PDE4D: variants seen among roughly 807,000 people sequenced by gnomAD.
PDE4D encodes the protein 3',5'-cyclic-AMP phosphodiesterase 4D.
A neutral mutation model predicts 87.4 loss-of-function variants in PDE4D; 24 were observed. The ratio of observed to expected loss-of-function variants is 0.27; its 90% confidence interval spans 0.20 to 0.39. The LOEUF is 0.39. Among genes scored for constraint, PDE4D ranks in the 10% least tolerant of loss-of-function variants. PDE4D has a pLI of 1.00. For missense variants in PDE4D, 714 were observed against 1,041.0 expected, an observed-to-expected ratio of 0.69 and a Z score of 4.32; for synonymous variants, 384 against 383.2, an observed-to-expected ratio of 1.00 and a Z score of -0.02.
intron 6 of PDE4D, among the ~76,000 whole-genome samples, chr5:59,004,796 G>C (rs1751265537): frequency 2.0e-5 from 3 of 152,176 alleles, no homozygotes; most frequent in Admixed American, 2.0e-4. Context: ...ATGTATCCCA[G>C]GACATCTAGC....
Position 59,651,285 on chromosome 5 carries a change from T to G in PDE4D, c.455+241883A>C, listed in dbSNP as rs529881287. 7.5e-4 allele frequency among the ~76,000 whole-genome samples: 109 copies of G among 145,584 alleles called. 1 individual carries two copies. The highest frequency in any genetic ancestry group is 7.2e-3 in the Middle Eastern group (2 of 278). On this transcript the variant is annotated intron_variant, in intron 1 of 14. Transcript: ENST00000340635. ...ATAATAATAATAATAATAATAATAA[T>G]AATAATAATAATAATAATAATTGCT... is the stretch of plus-strand genomic sequence containing the variant.
At chr5:59,703,200 T>A (rs1273647081) in intron 1 of PDE4D, among the ~76,000 whole-genome samples, 1 of 152,208 alleles carries the variant, frequency 6.6e-6, no homozygotes, top group East Asian at 1.9e-4. Context: ...TCTGCTGTTT[T>A]TGACCATAAT....
chr5:59,842,072 A>G (rs1446721804), intron 1 of PDE4D, among the ~76,000 whole-genome samples: 1 of 152,030 alleles, frequency 6.6e-6, no homozygotes, highest in Non-Finnish European at 1.5e-5. Flanking sequence ...GAAATGACTG[A>G]TCAGATTGGC....
chr5:60,518,886 T>C (rs143849413), intron 1 of PDE4D, among the ~76,000 whole-genome samples: 23 of 152,308 alleles, frequency 1.5e-4, no homozygotes, highest in African/African-American at 5.3e-4. Context: ...GCAAAATGGC[T>C]GGTAGACAGA....
chr5:59,133,095 AATAT>A (rs1175488119), intron 5 of PDE4D, among the ~76,000 whole-genome samples: 9 of 152,098 alleles, frequency 5.9e-5, no homozygotes, highest in Non-Finnish European at 1.3e-4. Context: ...GTAAATATAC[AATAT>A]ATATATACAC....
chr5:59,452,003 G>A (rs941288739), intron 1 of PDE4D, among the ~76,000 whole-genome samples: 13 of 152,122 alleles, frequency 8.5e-5, no homozygotes, highest in East Asian at 1.9e-4. Context: ...GGCCCAGGAC[G>A]GCCTTGAATG....
intron 1 of PDE4D, among the ~76,000 whole-genome samples, chr5:59,240,777 CAA>C (rs869054382): frequency 1.3e-5 from 1 of 78,726 alleles, no homozygotes; most frequent in East Asian, 3.4e-4. Flanking sequence ...GAAAAATTCA[CAA>C]ACACACACAC....
intron 5 of PDE4D, among the ~76,000 whole-genome samples, chr5:59,108,460 G>T (rs982387362): frequency 3.9e-5 from 6 of 152,160 alleles, no homozygotes; most frequent in Non-Finnish European, 7.3e-5. Flanking sequence ...GCACACATGT[G>T]TGTATGTGTG....
At chr5:60,353,724 A>T (rs1042665825) in intron 1 of PDE4D, among the ~76,000 whole-genome samples, 3 of 152,186 alleles carry the variant, frequency 2.0e-5, no homozygotes, top group African/African-American at 7.2e-5. Flanking sequence ...ATAATCCATA[A>T]CATATATCAC....
At chr5:59,922,576 G>A (rs1004001726) in intron 3 of PDE4D, among the ~76,000 whole-genome samples, 13 of 152,090 alleles carry the variant, frequency 8.5e-5, no homozygotes, top group Non-Finnish European at 1.8e-4. Flanking sequence ...TTACCTCCTG[G>A]ATGACATTTT....
rs1047243936 is a variant in PDE4D, at chr5:60,036,721, G to A, written c.43-48004C>T. 5.9e-5 allele frequency among the ~76,000 whole-genome samples: 9 copies of A among 152,210 alleles called. No individual in the cohort carries two copies. The East Asian group carries it at 7.7e-4, about 13-fold the overall frequency. On this transcript the variant is annotated intron_variant, in intron 2 of 16. Coordinates refer to the PDE4D transcript ENST00000502484. ...AAAAAGCAAACACAAGCCTGACTAC[G>A]GCACTTTGTTGCCTAGTTACCCTCG...
chr5:59,468,585 TGTAGAA>T (rs1554187520), intron 1 of PDE4D, among the ~76,000 whole-genome samples: 1 of 152,220 alleles, frequency 6.6e-6, no homozygotes, highest in Non-Finnish European at 1.5e-5. Context: ...AAGGAATGAC[TGTAGAA>T]GTTGCACCCT....
rs943126010 is a variant in PDE4D, at chr5:59,705,314, A to G, written c.455+187854T>C. Among the ~76,000 whole-genome samples, 74 of 152,106 alleles carry G rather than the reference A, an allele frequency of 4.9e-4. 1 individual carries two copies. The highest frequency in any genetic ancestry group is 1.8e-3 in the African/African-American group (73 of 41,418). The stretch of plus-strand genomic sequence containing the variant: ...TAAAAGCCTACCATTTTTCATGTCA[A>G]TTACACACAAACAGGACTTTTCTTG... On this transcript the variant is annotated intron_variant, in intron 1 of 14. Coordinates refer to ENST00000340635, the MANE Select transcript of PDE4D (RefSeq NM_001104631.2).
chr5:60,457,180 T>C (rs1294116113), intron 1 of PDE4D, among the ~76,000 whole-genome samples: 2 of 152,154 alleles, frequency 1.3e-5, no homozygotes, highest in Admixed American at 6.6e-5. Context: ...CTAATAGATT[T>C]GCAGTACAGC....
chr5:60,175,829 G>A (rs759927718), intron 2 of PDE4D, among the ~76,000 whole-genome samples: 2 of 152,108 alleles, frequency 1.3e-5, no homozygotes, highest in Admixed American at 6.6e-5. Flanking sequence ...AAGTGCTCCT[G>A]CAACTTTCTC....
At chr5:60,018,819 T>C (rs1765766062) in intron 2 of PDE4D, among the ~76,000 whole-genome samples, 1 of 152,110 alleles carries the variant, frequency 6.6e-6, no homozygotes, top group South Asian at 2.1e-4. Flanking sequence ...ACCCAATACA[T>C]GAACAGCCAG....
At chr5:59,142,707 C>A (rs1040385953) in intron 5 of PDE4D, among the ~76,000 whole-genome samples, 1 of 152,164 alleles carries the variant, frequency 6.6e-6, no homozygotes. Context: ...GAGGCCCAGG[C>A]GGGCGGATCA....
At chr5:59,067,035 G>GTTTATTTATTT (rs1175235406) in intron 5 of PDE4D, among the ~76,000 whole-genome samples, 69 of 116,838 alleles carry the variant, frequency 5.9e-4, no homozygotes, top group Middle Eastern at 4.9e-3. Flanking sequence ...TTTATTTAGA[G>GTTTATTTATTT]AGAGAGTTTT....
intron 3 of PDE4D, among the ~76,000 whole-genome samples, chr5:59,920,878 G>GGGGGAGGGGGA (rs1754590446): frequency 7.4e-6 from 1 of 134,240 alleles, no homozygotes; most frequent in Admixed American, 8.0e-5. Flanking sequence ...GGGGAGGGGG[G>GGGGGAGGGGGA]AGGGGGAGGG....
Sources: gnomAD v4.1 joint callset for allele counts (sites outside exome capture counted in the v4.1 genomes callset) on GRCh38, gnomAD v4.1.1 for gene constraint, MANE v1.5 for transcripts, NCBI Gene and HGNC (gene_info 2026-07-23, HGNC 2026-07-21) for gene names.